The following UGT2B7 variants were observed in gnomAD, a reference collection of about 807,000 sequenced individuals.
UGT2B7 encodes the protein UDP glucuronosyltransferase family 2 member B7.
Under a neutral mutation model 51.9 loss-of-function variants are expected in UGT2B7, and 51 were observed. The observed-to-expected ratio is 0.98, with a 90% CI of 0.78 to 1.24. The LOEUF is 1.24. UGT2B7 is among the 50% of genes most tolerant of loss of function. The pLI, the probability that UGT2B7 is intolerant of heterozygous loss-of-function variation, is 0.00. For missense variants in UGT2B7, 727 were observed against 628.4 expected, an observed-to-expected ratio of 1.16 and a Z score of -1.68; for synonymous variants, 225 against 211.6, an observed-to-expected ratio of 1.06 and a Z score of -0.55.
intron 2 of UGT2B7, among the ~76,000 whole-genome samples, chr4:69,091,138 A>G (rs373708269): frequency 1.3e-5 from 2 of 152,154 alleles, no homozygotes; most frequent in African/African-American, 4.8e-5. Context: ...AAGTTTTTCT[A>G]ATTATTTCAT....
chr4:69,107,389 T>G, intron 4 of UGT2B7, 127 bp downstream of exon 4: 1 of 1,119,810 alleles, frequency 8.9e-7, no homozygotes, highest in Non-Finnish European at 1.2e-6. Flanking sequence ...TTTATATTGA[T>G]TTTCCAGTCT....
intron 1 of UGT2B7, among the ~76,000 whole-genome samples, chr4:69,052,565 T>C (rs1349398057): frequency 7.6e-5 from 2 of 26,422 alleles, no homozygotes; most frequent in Admixed American, 4.4e-4. Context: ...GAAATGGTTA[T>C]CTTCAAAAAA....
intron 1 of UGT2B7, among the ~76,000 whole-genome samples, chr4:69,077,643 C>A (rs573262174): frequency 2.0e-5 from 3 of 152,010 alleles, no homozygotes; most frequent in Admixed American, 6.6e-5. Flanking sequence ...TATCCTGAGA[C>A]TTTGCAGAAG....
At chr4:69,089,703 C>T (rs191699363) in intron 2 of UGT2B7, 1 of 152,294 alleles carries the variant, frequency 6.6e-6, no homozygotes, top group African/African-American at 2.4e-5. Flanking sequence ...TTTGCATTAA[C>T]AGGCACTACT....
chr4:69,098,796 A>G (rs1389887559), intron 2 of UGT2B7, 108 bp downstream of exon 2: 1 of 1,552,316 alleles, frequency 6.4e-7, no homozygotes, highest in African/African-American at 1.4e-5. Flanking sequence ...AAAGATGGGA[A>G]ATGGGTGGGG....
At chr4:69,090,052 G>A (rs141740463) in intron 2 of UGT2B7, among the ~76,000 whole-genome samples, 2 of 152,076 alleles carry the variant, frequency 1.3e-5, no homozygotes, top group Non-Finnish European at 2.9e-5. Flanking sequence ...GTGTACTTGG[G>A]TATAAAAGTA....
chr4:69,060,981 T>C (rs1307955565), intron 1 of UGT2B7, among the ~76,000 whole-genome samples: 1 of 152,148 alleles, frequency 6.6e-6, no homozygotes, highest in Non-Finnish European at 1.5e-5. Flanking sequence ...GCCAGAGAGA[T>C]CTGACAGATC....
At chr4:69,107,981 T>G in intron 4 of UGT2B7, 122 bp from the exon 5 acceptor site, 1 of 1,325,104 alleles carries the variant, frequency 7.5e-7, no homozygotes, top group Non-Finnish European at 1.1e-6. Flanking sequence ...CTCCGAAGTC[T>G]GAAACACAAT....
intron 1 of UGT2B7, among the ~76,000 whole-genome samples, chr4:69,067,069 C>G (rs377345463): frequency 1.3e-5 from 2 of 152,100 alleles, no homozygotes; most frequent in African/African-American, 4.8e-5. Flanking sequence ...GGCATGCATC[C>G]TGCTTCTTTT....
At chr4:69,100,837 A>G (rs34386959) in intron 2 of UGT2B7, among the ~76,000 whole-genome samples, 87,637 of 151,926 alleles carry the variant, frequency 0.58, 26,290 homozygotes, top group African/African-American at 0.71. Context: ...TTTCATTTCA[A>G]TTAAATATTA....
At chr4:69,080,175 G>A (rs546797822) in intron 1 of UGT2B7, among the ~76,000 whole-genome samples, 1 of 151,978 alleles carries the variant, frequency 6.6e-6, no homozygotes, top group Non-Finnish European at 1.5e-5. Context: ...GACATTTGTT[G>A]TATCAAAGCA....
Position 69,061,313 on chromosome 4 carries a change from G to A in UGT2B7, c.-159+9711G>A, listed in dbSNP as rs187257959. ...ATAAAGTGTAATGAAGAAATTCTAC[G>A]GCTCCTGGATGTGGTATGGGCCCCC... On this transcript the variant is annotated intron_variant, in intron 1 of 5. Coordinates refer to the UGT2B7 transcript ENST00000502942. Among the ~76,000 whole-genome samples, 17 of 152,300 alleles carry A rather than the reference G, an allele frequency of 1.1e-4. 1 individual carries two copies. In the East Asian group the frequency reaches 2.9e-3, roughly 26 times the overall value.
chr4:69,068,048 G>A (rs1718519780), intron 1 of UGT2B7, among the ~76,000 whole-genome samples: 1 of 152,024 alleles, frequency 6.6e-6, no homozygotes, highest in African/African-American at 2.4e-5. Flanking sequence ...GGTATACAAA[G>A]TGATATTATG....
At position 69,096,668 on chromosome 4, in the gene UGT2B7, G is replaced by A. The variant is rs1577920855; in HGVS notation, c.148G>A (p.Gly50Ser). 1 of 1,613,952 alleles carries A rather than the reference G, an allele frequency of 6.2e-7. No individual in the cohort carries two copies. Among genetic ancestry groups the A allele is most frequent in the Non-Finnish European group, 8.5e-7 (1 of 1,179,908 alleles). The change falls in exon 1 of 6, where the codon GGT becomes AGT. Residue 50 changes from glycine to serine, a missense_variant. Physicochemically the swap from Gly to Ser is moderately conservative, Grantham distance 56 (BLOSUM62 0). Transcript: ENST00000305231. ...AATCCTGGATGAGCTTATTCAGAGA[G>A]GTCATGAGGTGACTGTACTGGCATC... ...KTILDELIQR[G>S]HEVTVLASSA...
intron 1 of UGT2B7, among the ~76,000 whole-genome samples, chr4:69,070,463 A>T (rs1222820420): frequency 1.3e-5 from 2 of 150,842 alleles, no homozygotes; most frequent in Non-Finnish European, 3.0e-5. Context: ...AAACAGAGCA[A>T]GATCCTTGTT....
At chr4:69,074,343 C>T (rs1421636606) in intron 1 of UGT2B7, among the ~76,000 whole-genome samples, 1 of 151,412 alleles carries the variant, frequency 6.6e-6, no homozygotes, top group South Asian at 2.1e-4. Flanking sequence ...AGTCACTTGA[C>T]CTTGGTAGGT....
intron 1 of UGT2B7, among the ~76,000 whole-genome samples, chr4:69,060,014 C>T (rs1310977704): frequency 1.3e-5 from 2 of 152,186 alleles, no homozygotes; most frequent in Non-Finnish European, 2.9e-5. Flanking sequence ...GGACAAGACT[C>T]CCACAAGGAT....
intron 1 of UGT2B7, among the ~76,000 whole-genome samples, chr4:69,066,945 T>G (rs959657433): frequency 2.0e-5 from 3 of 151,918 alleles, no homozygotes; most frequent in Non-Finnish European, 4.4e-5. Flanking sequence ...CATGATGGAG[T>G]GTGGCCTGTC....
At position 69,097,138 on chromosome 4, in the gene UGT2B7, T is replaced by A; in HGVS notation, c.618T>A (p.Thr206=). The change falls in exon 1 of 6, where the codon ACT becomes ACA. Residue 206 remains threonine, a synonymous_variant. Transcript: ENST00000305231. ...VVMSELTDQM[T]FMERVKNMIY... ...TGTCAGAATTAACTGATCAAATGAC[T>A]TTCATGGAGAGGGTAAAAAATATGA... is the stretch of plus-strand genomic sequence containing the variant. 1 of 1,613,600 alleles carries A rather than the reference T, an allele frequency of 6.2e-7. No homozygotes were observed. The highest frequency in any genetic ancestry group is 8.5e-7 in the Non-Finnish European group (1 of 1,179,662).
Sources: gnomAD v4.1 joint callset for allele counts (sites outside exome capture counted in the v4.1 genomes callset) on GRCh38, gnomAD v4.1.1 for gene constraint, MANE v1.5 for transcripts, NCBI Gene and HGNC (gene_info 2026-07-23, HGNC 2026-07-21) for gene names.